CACNA1H: variants seen among roughly 807,000 people sequenced by gnomAD.
The protein encoded by CACNA1H is voltage-dependent T-type calcium channel subunit alpha-1H.
In CACNA1H, 149 loss-of-function variants were observed where a neutral mutation model predicts 192.5. The ratio of observed to expected loss-of-function variants is 0.77; its 90% confidence interval spans 0.68 to 0.89. The LOEUF is 0.89. Among genes scored for constraint, CACNA1H ranks in the 40% least tolerant of loss-of-function variants. The pLI is 0.00. For missense variants in CACNA1H, 4,257 were observed against 3,423.5 expected (o/e 1.24, Z -6.08); for synonymous variants, 2,202 against 1,475.2 (o/e 1.49, Z -11.29).
intron 17 of CACNA1H, 100 bp from the exon 18 acceptor site, chr16:1,209,935 G>A (rs1969222793): frequency 4.7e-6 from 4 of 843,806 alleles, no homozygotes; most frequent in Admixed American, 2.5e-5. Context: ...AGAAGGCTGA[G>A]AAGGTGCTGG....
intron 30 of CACNA1H, among the ~76,000 whole-genome samples, chr16:1,216,399 C>T (rs536588563): frequency 5.9e-5 from 9 of 152,354 alleles, no homozygotes; most frequent in Non-Finnish European, 8.8e-5. Context: ...GAGGGTGCGC[C>T]GCCCAGCGGG....
At chr16:1,199,076 A>AC (rs1226741717) in intron 6 of CACNA1H, 7 of 142,716 alleles carry the variant, frequency 4.9e-5, no homozygotes, top group Admixed American at 3.5e-4. Context: ...CATATGCCCC[A>AC]CCCCCCACCA....
chr16:1,196,283 G>A (rs1416262013), intron 5 of CACNA1H, among the ~76,000 whole-genome samples: 1 of 152,194 alleles, frequency 6.6e-6, no homozygotes, highest in Admixed American at 6.5e-5. Flanking sequence ...CGAGTGACAG[G>A]GGCCACTCCG....
intron 2 of CACNA1H, among the ~76,000 whole-genome samples, chr16:1,166,488 A>G (rs1319674082): frequency 6.6e-6 from 1 of 152,110 alleles, no homozygotes; most frequent in Admixed American, 6.5e-5. Flanking sequence ...TAATTTATCC[A>G]CCACCTAACT....
At chr16:1,157,611 T>C (rs1051052634) in intron 2 of CACNA1H, 1 of 152,256 alleles carries the variant, frequency 6.6e-6, no homozygotes, top group African/African-American at 2.4e-5. Flanking sequence ...CGCAGGCCTC[T>C]CGTGGGCAGG....
chr16:1,191,808 C>G (rs954279063), intron 2 of CACNA1H, among the ~76,000 whole-genome samples: 5 of 111,210 alleles, frequency 4.5e-5, no homozygotes, highest in African/African-American at 1.9e-4. Context: ...CAGGCACACT[C>G]GGGGTTTCGG....
At chr16:1,216,811 G>T in intron 30 of CACNA1H, 121 bp from the exon 31 acceptor site, 1 of 831,892 alleles carries the variant, frequency 1.2e-6, no homozygotes, top group South Asian at 1.4e-5. Context: ...GGCCGGGCCC[G>T]GAGCACCTGG....
At chr16:1,196,046 G>A in intron 5 of CACNA1H, 23 bp downstream of exon 5, 1 of 1,589,296 alleles carries the variant, frequency 6.3e-7, no homozygotes, top group Non-Finnish European at 8.6e-7. Flanking sequence ...CCCCGACTGG[G>A]CTTGAGATCA....
Position 1,201,691 on chromosome 16 carries a change from G to T in CACNA1H, c.1241G>T (p.Cys414Phe), listed in dbSNP as rs781525428. The stretch of plus-strand genomic sequence containing the variant: ...GGCTCCTTCTTCATGATCAACCTGT[G>T]CCTGGTGGTGATTGCCACGCAGTTC... The part of the protein sequence containing the change: ...IVGSFFMINL[C>F]LVVIATQFSE... The change falls in exon 9 of 35, where the codon TGC (cysteine) becomes TTC (phenylalanine). Residue 414 changes from cysteine to phenylalanine, a missense_variant. Transcript: ENST00000348261. 2.5e-6 allele frequency: 4 copies of T among 1,607,164 alleles called. No individual in the cohort carries two copies. Among genetic ancestry groups the T allele is most frequent in the Non-Finnish European group, 3.4e-6 (4 of 1,176,360 alleles).
rs186728140 is a variant in CACNA1H at position 1,185,543 on chromosome 16, A to T, written c.300-9429A>T. On this transcript the variant is annotated intron_variant, in intron 2 of 34. Coordinates refer to ENST00000348261, the MANE Select transcript of CACNA1H (RefSeq NM_021098.3). ...TCTGCTTTTCTGGGGAACCCTGGAG[A>T]TGCTCAGAAAGCCTAGTGGGGCACG... is the stretch of plus-strand genomic sequence containing the variant. Among the ~76,000 whole-genome samples, 3 of 90,516 alleles carry T rather than the reference A, an allele frequency of 3.3e-5. No individual in the cohort carries two copies. The South Asian group carries it at 1.4e-3, about 42-fold the overall frequency. The allele number at this position is 90,516 out of a possible 152,430, so 59.4% of individuals were successfully genotyped here.
rs374784679 is a variant in CACNA1H at position 1,213,766 on chromosome 16, C to T, written c.4778-14C>T. ...GGCCCTCCTGCCCGGCGCTCATGGC[C>T]GCCCTCCCCGCAGAGGCCCAGCGCC... On this transcript the variant is annotated splice_polypyrimidine_tract_variant and intron_variant, in intron 26 of 34. Coordinates refer to ENST00000348261, the MANE Select transcript of CACNA1H (RefSeq NM_021098.3). The T allele has an allele frequency of 1.7e-3, 2,569 of 1,534,546 alleles. 6 individuals are homozygous for T. Among genetic ancestry groups the T allele is most frequent in the South Asian group, 3.2e-3 (263 of 83,200 alleles).
chr16:1,215,121 C>G (rs773195178), intron 28 of CACNA1H, 40 bp downstream of exon 28: 253 of 1,589,448 alleles, frequency 1.6e-4, no homozygotes, highest in Non-Finnish European at 2.1e-4. Flanking sequence ...GGGGGCCCCT[C>G]AGGGCTCTGG....
intron 8 of CACNA1H, 48 bp from the exon 9 acceptor site, chr16:1,201,615 C>T (rs1567511480): frequency 6.6e-7 from 1 of 1,508,490 alleles, no homozygotes; most frequent in Non-Finnish European, 8.9e-7. Context: ...AGTGGCGAAT[C>T]AGAGACTCGC....
intron 2 of CACNA1H, among the ~76,000 whole-genome samples, chr16:1,169,346 C>T (rs1010959541): frequency 6.6e-5 from 10 of 152,210 alleles, no homozygotes; most frequent in Admixed American, 4.6e-4. Context: ...GCTGGCAGAA[C>T]CCCCGACCTG....
intron 2 of CACNA1H, among the ~76,000 whole-genome samples, chr16:1,166,903 G>A (rs1314596755): frequency 2.0e-5 from 3 of 152,220 alleles, no homozygotes; most frequent in Admixed American, 6.5e-5. Flanking sequence ...AGGTTCGGGG[G>A]AAACCCTGGC....
intron 26 of CACNA1H, among the ~76,000 whole-genome samples, chr16:1,213,106 C>T (rs975749174): frequency 3.3e-5 from 5 of 152,228 alleles, no homozygotes; most frequent in Non-Finnish European, 7.3e-5. Flanking sequence ...GGGGGACACA[C>T]GCAGATGGCG....
Position 1,221,479 on chromosome 16 carries a change from C to T in CACNA1H, c.*485C>T, listed in dbSNP as rs1341630187. 8.4e-6 allele frequency: 3 copies of T among 356,652 alleles called. No individual in the cohort carries two copies. The highest frequency in any genetic ancestry group is 1.5e-5 in the Non-Finnish European group (3 of 197,200). The allele number at this position is 356,652 out of a possible 1,614,324, so 22.1% of individuals were successfully genotyped here. ...GTCACGCCCTCACCACCCTCCCCTT[C>T]CAGCCACCACCCTTTCCGTTCCGCT... On this transcript the variant is annotated 3_prime_UTR_variant, in exon 35 of 35. Transcript: ENST00000348261.
At chr16:1,185,701 GGTCGGCGTGCGTAGGGGCCGGAGGC>G (rs1965954250) in intron 2 of CACNA1H, among the ~76,000 whole-genome samples, 2 of 93,228 alleles carry the variant, frequency 2.1e-5, no homozygotes, top group Admixed American at 1.2e-4. Context: ...GTGAGTAGAC[GGTCGGCGTGCGTAGGGGCCGGAGGC>G]GGGGTGTGTA....
At position 1,204,392 on chromosome 16, in the gene CACNA1H, C is replaced by T. The variant is rs1968394189; in HGVS notation, c.2385C>T (p.Phe795=). The change falls in exon 10 of 35, where the codon TTC becomes TTT. Residue 795 remains phenylalanine (F), a synonymous_variant. Coordinates refer to ENST00000348261, the MANE Select transcript of CACNA1H (RefSeq NM_021098.3). ...GCCGCATCGTGGACAGCAAGTACTT[C>T]AGCCGTGGCATCATGATGGCCATCC... ...KLRRIVDSKY[F]SRGIMMAILV... is the part of the protein sequence containing the mutation. The T allele has an allele frequency of 1.9e-6, 3 of 1,557,764 alleles. No individual in the cohort carries two copies. The highest frequency in any genetic ancestry group is 1.2e-5 in the South Asian group (1 of 80,624).
Sources: allele counts gnomAD v4.1 joint callset (sites outside exome capture counted in the v4.1 genomes callset), GRCh38; gene constraint gnomAD v4.1.1; transcripts MANE v1.5; gene names NCBI Gene and HGNC (gene_info 2026-07-23, HGNC 2026-07-21).